Variants in PCNX2 observed in about 807,000 individuals in gnomAD.
PCNX2 encodes the protein pecanex-like protein 2.
PCNX2 carries 168 observed loss-of-function variants against 223.8 expected under a neutral mutation model. The observed-to-expected ratio is 0.75, with a 90% CI of 0.66 to 0.85. The LOEUF (loss-of-function observed/expected upper bound fraction) is 0.85. PCNX2 is among the 40% of genes least tolerant of loss of function. The pLI is 0.00. For missense variants in PCNX2, 2,507 were observed against 2,675.5 expected, an observed-to-expected ratio of 0.94 and a Z score of 1.39; for synonymous variants, 1,006 against 1,052.6, an observed-to-expected ratio of 0.96 and a Z score of 0.86.
At chr1:232,989,137 A>T (rs1309712664) in intron 32 of PCNX2, among the ~76,000 whole-genome samples, 1 of 151,846 alleles carries the variant, frequency 6.6e-6, no homozygotes, top group African/African-American at 2.4e-5. Flanking sequence ...CCTTGTTAGA[A>T]TTTGTTTCAA....
chr1:233,027,436 C>T (rs755990264), intron 25 of PCNX2, among the ~76,000 whole-genome samples: 12 of 152,130 alleles, frequency 7.9e-5, no homozygotes, highest in African/African-American at 9.7e-5. Context: ...ATCTCCTGTA[C>T]GCTGCTGAGC....
chr1:233,073,020 T>C (rs1368573339), intron 23 of PCNX2, among the ~76,000 whole-genome samples: 5 of 152,198 alleles, frequency 3.3e-5, no homozygotes, highest in Non-Finnish European at 7.4e-5. Context: ...GGCTTTTTCT[T>C]TGTAGGGAGT....
Position 233,295,601 on chromosome 1 carries a change from G to T in PCNX2, c.-123C>A. 1 of 1,077,282 alleles carries T rather than the reference G, an allele frequency of 9.3e-7. No homozygotes were observed. The highest frequency in any genetic ancestry group is 1.2e-6 in the Non-Finnish European group (1 of 836,918). 66.7% of individuals were successfully genotyped at this position (1,077,282 alleles called of 1,614,324 possible). A position where few individuals can be genotyped will look rare whatever the true frequency, so the allele number is the denominator to read the frequency against. On this transcript the variant is annotated 5_prime_UTR_variant, in exon 1 of 34. Transcript: ENST00000258229. This position sits in a 1 kb window ranked among gnomAD's most constrained non-coding sequence, Gnocchi z 4.1. ...CCGCGCCCCCGCCGTCGCCGCCGCC[G>T]TCGCCCCCGCCGCCTCCTTCCACCC...
intron 32 of PCNX2, 79 bp downstream of exon 32, chr1:232,998,172 C>A: frequency 7.3e-7 from 1 of 1,378,508 alleles, no homozygotes. Context: ...GAGGTTTAAA[C>A]AACATCATAA....
intron 1 of PCNX2, chr1:233,293,868 G>A (rs963307452): frequency 5.1e-6 from 4 of 786,628 alleles, no homozygotes; most frequent in Non-Finnish European, 4.6e-6. Flanking sequence ...CCCTGGTGAG[G>A]GCTGTGCTCC....
chr1:233,189,985 G>T (rs1343140530), intron 15 of PCNX2, among the ~76,000 whole-genome samples: 1 of 152,240 alleles, frequency 6.6e-6, no homozygotes, highest in East Asian at 1.9e-4. Context: ...AAGAGAATAT[G>T]AAATTAAAAG....
the PCNX2 span, among the ~76,000 whole-genome samples, chr1:233,304,750 C>G: frequency 6.6e-6 from 1 of 152,220 alleles, no homozygotes; most frequent in African/African-American, 2.4e-5. Flanking sequence ...TATTGCAAAG[C>G]AAGGAAGGAT....
intron 25 of PCNX2, among the ~76,000 whole-genome samples, chr1:233,042,341 C>T (rs1379378760): frequency 6.6e-6 from 1 of 152,206 alleles, no homozygotes; most frequent in African/African-American, 2.4e-5. Flanking sequence ...CCTCCTCTTT[C>T]CTTTGCCTGA....
intron 21 of PCNX2, among the ~76,000 whole-genome samples, chr1:233,130,037 C>A (rs1181554523): frequency 6.6e-6 from 1 of 152,172 alleles, no homozygotes; most frequent in Non-Finnish European, 1.5e-5. Context: ...GCCAGCCAGA[C>A]CACGAACCCA....
intron 17 of PCNX2, among the ~76,000 whole-genome samples, chr1:233,169,969 A>G (rs1679054861): frequency 6.6e-6 from 1 of 151,976 alleles, no homozygotes. Flanking sequence ...GTACCATACT[A>G]TATGCATTAT....
intron 17 of PCNX2, chr1:233,172,304 G>C: frequency 8.3e-6 from 8 of 966,458 alleles, no homozygotes; most frequent in Non-Finnish European, 9.8e-6. Flanking sequence ...CAACCTTCTA[G>C]AAAGGATTTA....
At position 233,179,049 on chromosome 1, in the gene PCNX2, A is replaced by C. The variant is rs1679645321; in HGVS notation, c.3176+17T>G. The C allele has an allele frequency of 1.2e-6, 2 of 1,602,150 alleles. No individual in the cohort carries two copies. ...CCCCAGCTCAGTGATGAGAGAGCAC[A>C]GGCATAGACCACTCACATGAGTACA... On this transcript the variant is annotated intron_variant, in intron 16 of 33. Coordinates refer to ENST00000258229, the MANE Select transcript of PCNX2 (RefSeq NM_014801.4).
chr1:233,142,560 C>T (rs1248785577), intron 19 of PCNX2, among the ~76,000 whole-genome samples: 1 of 152,154 alleles, frequency 6.6e-6, no homozygotes, highest in Non-Finnish European at 1.5e-5. Context: ...CACCTTCCAC[C>T]CTGAACCTCC....
chr1:233,255,996 T>TTTTC (rs1659714776), intron 5 of PCNX2, among the ~76,000 whole-genome samples: 1 of 152,194 alleles, frequency 6.6e-6, no homozygotes, highest in Admixed American at 6.5e-5. Flanking sequence ...ACTGTCTCTT[T>TTTTC]CTTCAATTAA....
Position 232,986,391 on chromosome 1 carries a change from A to G in PCNX2, c.5941T>C (p.Ser1981Pro). 1 of 1,603,556 alleles carries G rather than the reference A, an allele frequency of 6.2e-7. No homozygotes were observed. Among genetic ancestry groups the G allele is most frequent in the Non-Finnish European group, 8.5e-7 (1 of 1,174,810 alleles). ...GCGTGCAAGGAGAGCCGGCTGCCCG[A>G]GAGCCTCTGGGCCAGCTCGTGCACT... ...TSVHELAQRL[S>P]GSRLSLHASA... The change falls in exon 33 of 34, where the codon TCG (serine) becomes CCG (proline). Residue 1981 changes from serine to proline, a missense_variant. Ser to Pro is a moderately conservative substitution (Grantham distance 74, BLOSUM62 -1). Around this residue, in one of 3 missense-constraint regions of PCNX2, gnomAD observed 1,372 missense variants for 1,509.4 expected, o/e 0.91. Transcript: ENST00000258229.
At chr1:233,132,147 T>G (rs1392115923) in intron 21 of PCNX2, among the ~76,000 whole-genome samples, 1 of 151,894 alleles carries the variant, frequency 6.6e-6, no homozygotes, top group Non-Finnish European at 1.5e-5. Context: ...ACCATGTTGG[T>G]CAGGCTGGTC....
chr1:233,280,669 C>T (rs1661147144), intron 1 of PCNX2, among the ~76,000 whole-genome samples: 1 of 152,158 alleles, frequency 6.6e-6, no homozygotes, highest in African/African-American at 2.4e-5. Context: ...GAGGCCAGGT[C>T]TGTCTTATTC....
intron 15 of PCNX2, among the ~76,000 whole-genome samples, chr1:233,190,939 C>A (rs573908369): frequency 2.0e-5 from 3 of 152,122 alleles, no homozygotes; most frequent in African/African-American, 7.2e-5. Flanking sequence ...GTACTACTGA[C>A]CTCAGTTAGA....
rs1270403608 is a variant in PCNX2, at chr1:233,133,127, G to A, written c.3837+1886C>T. The stretch of plus-strand genomic sequence containing the variant: ...TTGCCCATCCTGCTCTCGAAATCCT[G>A]ATCTCAAGCAATCTGCCCATCTCAG... On this transcript the variant is annotated intron_variant, in intron 21 of 33. Transcript: ENST00000258229. Among the ~76,000 whole-genome samples, 3 of 151,976 alleles carry A rather than the reference G, an allele frequency of 2.0e-5. No individual in the cohort carries two copies. The South Asian group carries it at 6.2e-4, about 32-fold the overall frequency.
Sources: allele counts gnomAD v4.1 joint callset (sites outside exome capture counted in the v4.1 genomes callset), GRCh38; gene constraint gnomAD v4.1.1; regional missense constraint gnomAD v4.1.1; non-coding constraint Gnocchi (gnomAD v3.1); transcripts MANE v1.5; gene names NCBI Gene and HGNC (gene_info 2026-07-23, HGNC 2026-07-21).